The following CERKL variants were observed in gnomAD, a reference collection of about 807,000 sequenced individuals.
CERKL encodes CERK like autophagy regulator.
In CERKL, 61 loss-of-function variants were observed where a neutral mutation model predicts 63.4. The ratio of observed to expected loss-of-function variants is 0.96; its 90% confidence interval spans 0.78 to 1.19. The LOEUF (loss-of-function observed/expected upper bound fraction) is 1.19, where lower values mean the gene tolerates loss of function less well. Ranked by LOEUF, CERKL falls within the 50% of genes most tolerant of loss-of-function variation. The pLI, the probability that CERKL is intolerant of heterozygous loss-of-function variation, is 0.00. For synonymous variants in CERKL, 250 were observed against 230.5 expected (o/e 1.08, Z -0.77); for missense variants, 675 against 655.5 (o/e 1.03, Z -0.33).
At chr2:181,571,301 T>C (rs13011441) in intron 3 of CERKL, among the ~76,000 whole-genome samples, 60,244 of 151,964 alleles carry the variant, frequency 0.4, 12,729 homozygotes, top group African/African-American at 0.53. Context: ...CAAATGTAAG[T>C]AAATTCTAAA....
chr2:181,542,143 G>A (rs1687535661), intron 11 of CERKL, among the ~76,000 whole-genome samples: 1 of 152,164 alleles, frequency 6.6e-6, no homozygotes, highest in African/African-American at 2.4e-5. Flanking sequence ...CACAATGAAA[G>A]AGAAAAGTGT....
intron 4 of CERKL, among the ~76,000 whole-genome samples, chr2:181,563,582 T>G (rs1051205529): frequency 8.1e-6 from 1 of 123,696 alleles, no homozygotes; most frequent in Non-Finnish European, 1.7e-5. Flanking sequence ...CTCATCAAAA[T>G]GCCATAGCAT....
At position 181,550,923 on chromosome 2, in the gene CERKL, G is replaced by C. The variant is rs139818814; in HGVS notation, c.821-1215C>G. ...CTGGTTCCAACTGATTCACCAAAAG[G>C]CAAGTTATGCTGTGACCCTTGTTAC... On this transcript the variant is annotated intron_variant, in intron 5 of 12. Transcript: ENST00000410087. This position sits in a 1 kb window ranked among gnomAD's most constrained non-coding sequence, Gnocchi z 4.5. Among the ~76,000 whole-genome samples, 27 of 152,140 alleles carry C rather than the reference G, an allele frequency of 1.8e-4. No individual in the cohort carries two copies. The highest frequency in any genetic ancestry group is 5.3e-4 in the African/African-American group (22 of 41,522).
intron 10 of CERKL, among the ~76,000 whole-genome samples, chr2:181,545,082 C>T (rs372468555): frequency 1.4e-4 from 22 of 152,194 alleles, no homozygotes; most frequent in African/African-American, 5.1e-4. Flanking sequence ...ACTCACATAT[C>T]AAGACATAAT....
At position 181,626,018 on chromosome 2, in the gene CERKL, AT is replaced by A. The variant is rs1417967888; in HGVS notation, c.239-21940del. Among the ~76,000 whole-genome samples, 3 of 152,246 alleles carry A rather than the reference AT, an allele frequency of 2.0e-5. No homozygotes were observed. In the East Asian group the frequency reaches 5.8e-4, roughly 29 times the overall value. On this transcript the variant is annotated intron_variant, in intron 1 of 12. Transcript: ENST00000410087. ...CCATAAACTGGGTGCCATTATTATG[AT>A]CCCATTTTACAGATTGTGAGGAAGG...
intron 1 of CERKL, among the ~76,000 whole-genome samples, chr2:181,639,227 A>G (rs924769018): frequency 6.0e-4 from 92 of 152,306 alleles, no homozygotes; most frequent in African/African-American, 2.1e-3. Context: ...AGATGAAATT[A>G]TATGATGCCT....
chr2:181,547,480 A>T, intron 10 of CERKL, 138 bp downstream of exon 10: 2 of 715,826 alleles, frequency 2.8e-6, no homozygotes, highest in Non-Finnish European at 5.0e-6. Flanking sequence ...TACTGTGATG[A>T]CAAATCCCTT....
chr2:181,650,442 C>A (rs978107593), intron 1 of CERKL, among the ~76,000 whole-genome samples: 17 of 152,098 alleles, frequency 1.1e-4, no homozygotes, highest in Non-Finnish European at 2.1e-4. Context: ...TAATGATGAA[C>A]CTCAAGGCAC....
At chr2:181,648,297 C>T (rs1349867293) in intron 1 of CERKL, among the ~76,000 whole-genome samples, 1 of 152,010 alleles carries the variant, frequency 6.6e-6, no homozygotes, top group East Asian at 1.9e-4. Flanking sequence ...CATCAAGTTA[C>T]ATGTAAGGGA....
At chr2:181,545,269 TAAATC>T (rs1386884232) in intron 10 of CERKL, among the ~76,000 whole-genome samples, 3 of 152,136 alleles carry the variant, frequency 2.0e-5, no homozygotes, top group Admixed American at 1.3e-4. Context: ...GGAAATGAAA[TAAATC>T]AAAGTGGCCT....
chr2:181,622,968 C>A (rs1686520016), intron 1 of CERKL, among the ~76,000 whole-genome samples: 1 of 152,166 alleles, frequency 6.6e-6, no homozygotes, highest in East Asian at 1.9e-4. Flanking sequence ...CTGTGGAGTA[C>A]ACTTAACCAA....
intron 1 of CERKL, among the ~76,000 whole-genome samples, chr2:181,617,966 TGAA>T (rs1686273112): frequency 1.3e-5 from 2 of 152,332 alleles, no homozygotes; most frequent in South Asian, 4.1e-4. Flanking sequence ...ACAGACTGGA[TGAA>T]GAAGCATTCT....
At chr2:181,600,716 A>G (rs1042701410) in intron 2 of CERKL, among the ~76,000 whole-genome samples, 3 of 152,182 alleles carry the variant, frequency 2.0e-5, no homozygotes, top group Non-Finnish European at 4.4e-5. Context: ...TAAAACAAAT[A>G]CTACTAGACC....
intron 2 of CERKL, among the ~76,000 whole-genome samples, chr2:181,589,167 T>C (rs1227972116): frequency 6.6e-6 from 1 of 152,098 alleles, no homozygotes; most frequent in Non-Finnish European, 1.5e-5. Context: ...TAAATATAAA[T>C]ATTTCTATTG....
Position 181,539,237 on chromosome 2 carries a change from T to TGTAA in CERKL, c.1389_1392dup (p.Thr465LeufsTer4), listed in dbSNP as rs1026405158. The TGTAA allele has an allele frequency of 5.0e-6, 8 of 1,597,946 alleles. No individual in the cohort carries two copies. The East Asian group carries it at 1.1e-4, about 22-fold the overall frequency. Reference sequence around the variant, plus strand: ...GGATGAACTTTTACTTCCTCAACAGTGTAAGTCTCAACAAATGGAAAATTG... The same window carrying TGTAA: ...GGATGAACTTTTACTTCCTCAACAGTGTAAGTAAGTCTCAACAAATGGAAAATTG... On this transcript the variant is annotated frameshift_variant, in exon 12 of 13. Transcript: ENST00000410087. LOFTEE classifies it high-confidence loss of function.
chr2:181,619,492 A>G (rs1475546486), intron 1 of CERKL, among the ~76,000 whole-genome samples: 2 of 152,112 alleles, frequency 1.3e-5, no homozygotes, highest in Non-Finnish European at 2.9e-5. Context: ...TATCTTCATC[A>G]TTATCTTCAT....
intron 2 of CERKL, among the ~76,000 whole-genome samples, chr2:181,591,723 T>A (rs2105876762): frequency 6.6e-6 from 1 of 152,268 alleles, no homozygotes; most frequent in Middle Eastern, 3.4e-3. Flanking sequence ...CAGGGAAGAA[T>A]CTTGTAGGAT....
chr2:181,544,717 C>T lies in CERKL; in HGVS notation c.1348G>A (p.Ala450Thr), dbSNP rs748979374. ...TACTATACCTGATTTTTTACACTGG[C>T]ATATCTTTTCAGGTGTTTTATAAAT... ...PEFIKHLKRYASVKNQFNFPF... is the reference protein window; with the variant it reads ...PEFIKHLKRYTSVKNQFNFPF... The change falls in exon 11 of 13, where the codon GCC (alanine) becomes ACC (threonine). Residue 450 changes from alanine (A) to threonine (T), a missense_variant. By Grantham distance (58) the Ala-to-Thr change is moderately conservative (BLOSUM62 0). Coordinates refer to ENST00000410087, the MANE Select transcript of CERKL (RefSeq NM_201548.5). 1.9e-6 allele frequency: 3 copies of T among 1,600,500 alleles called. No homozygotes were observed. The highest frequency in any genetic ancestry group is 2.2e-5 in the East Asian group (1 of 44,550).
intron 1 of CERKL, among the ~76,000 whole-genome samples, chr2:181,608,810 T>G (rs1480621012): frequency 6.6e-6 from 1 of 152,204 alleles, no homozygotes; most frequent in East Asian, 1.9e-4. Flanking sequence ...AAAGATGTTA[T>G]CATAATTTTT....
Sources: gnomAD v4.1 joint callset for allele counts (sites outside exome capture counted in the v4.1 genomes callset) on GRCh38, gnomAD v4.1.1 for gene constraint, Gnocchi (gnomAD v3.1) non-coding constraint, MANE v1.5 for transcripts, NCBI Gene and HGNC (gene_info 2026-07-23, HGNC 2026-07-21) for gene names.